Variants in NR6A1 observed in about 807,000 individuals in gnomAD.
The protein encoded by NR6A1 is retinoic acid receptor-related testis-associated receptor.
Under a neutral mutation model 59.1 loss-of-function variants are expected in NR6A1, and 7 were observed. That is an observed-to-expected ratio of 0.12 (90% CI 0.07 to 0.22). The LOEUF is 0.22. NR6A1 is among the 10% of genes least tolerant of loss of function. The probability of loss-of-function intolerance (pLI) is 1.00; values close to 1 mark genes in which losing one functional copy is unlikely to be tolerated. For synonymous variants in NR6A1, 243 were observed against 236.1 expected, an observed-to-expected ratio of 1.03 and a Z score of -0.27; for missense variants, 468 against 611.6, an observed-to-expected ratio of 0.77 and a Z score of 2.48.
intron 7 of NR6A1, among the ~76,000 whole-genome samples, chr9:124,534,057 C>G (rs2131340151): frequency 6.6e-6 from 1 of 150,472 alleles, no homozygotes; most frequent in Middle Eastern, 3.5e-3. Flanking sequence ...TAAATACAAA[C>G]TAAGCATTAT....
chr9:124,576,478 G>A lies in NR6A1; in HGVS notation c.143-21908C>T, dbSNP rs543943174. ...AATTTTTTGTATTTTTAGTAGAGAC[G>A]GGGTTTCACCATGTTAGCCAGGATG... On this transcript the variant is annotated intron_variant, in intron 2 of 9. Coordinates refer to ENST00000487099, the MANE Select transcript of NR6A1 (RefSeq NM_033334.4). Among the ~76,000 whole-genome samples, 181 of 152,126 alleles carry A rather than the reference G, an allele frequency of 1.2e-3. 3 individuals carry two copies. The highest frequency in any genetic ancestry group is 4.8e-3 in the South Asian group (23 of 4,816).
rs142173971 is a variant in NR6A1, at chr9:124,640,466, C to G, written c.143-85896G>C. 4.2e-3 allele frequency among the ~76,000 whole-genome samples: 634 copies of G among 152,174 alleles called. 6 individuals carry two copies. Among genetic ancestry groups the G allele is most frequent in the Non-Finnish European group, 7.3e-3 (499 of 68,000 alleles). ...CCAGGCTAGAATGCAGTGGAGTGATCGTAGCTCACTGTAACCATGAACTCA... is the reference window on the plus strand; with the variant it reads ...CCAGGCTAGAATGCAGTGGAGTGATGGTAGCTCACTGTAACCATGAACTCA... On this transcript the variant is annotated intron_variant, in intron 2 of 9. Transcript: ENST00000487099.
chr9:124,682,678 A>C (rs2130997518), intron 2 of NR6A1, among the ~76,000 whole-genome samples: 1 of 152,230 alleles, frequency 6.6e-6, no homozygotes, highest in South Asian at 2.1e-4. Flanking sequence ...TCTCTGTTTA[A>C]TTTCTAGAAA....
intron 2 of NR6A1, among the ~76,000 whole-genome samples, chr9:124,628,940 G>A (rs754622538): frequency 6.6e-6 from 1 of 152,136 alleles, no homozygotes; most frequent in Non-Finnish European, 1.5e-5. Flanking sequence ...GATTACAGGC[G>A]CGAGCCACCG....
chr9:124,535,495 T>C (rs1588645026), intron 7 of NR6A1, among the ~76,000 whole-genome samples: 1 of 151,384 alleles, frequency 6.6e-6, no homozygotes, highest in East Asian at 2.0e-4. Flanking sequence ...GGAGAATCAC[T>C]TGAACCCGGG....
intron 2 of NR6A1, among the ~76,000 whole-genome samples, chr9:124,620,294 G>A (rs890427048): frequency 2.2e-4 from 34 of 152,114 alleles, no homozygotes; most frequent in African/African-American, 7.9e-4. Flanking sequence ...TTATACTTCC[G>A]TAAATAAATA....
intron 2 of NR6A1, among the ~76,000 whole-genome samples, chr9:124,725,402 GA>G (rs528574208): frequency 0.015 from 2,089 of 140,326 alleles, 43 homozygotes; most frequent in African/African-American, 0.05. Flanking sequence ...TAAAAAAAAA[GA>G]AAAAAAAAAA....
chr9:124,659,049 C>CGGG (rs1312852421), intron 2 of NR6A1, among the ~76,000 whole-genome samples: 1 of 152,202 alleles, frequency 6.6e-6, no homozygotes, highest in Non-Finnish European at 1.5e-5. Flanking sequence ...GGAAGAAATT[C>CGGG]ACAAGAAATA....
At chr9:124,651,668 G>C (rs1488988454) in intron 2 of NR6A1, among the ~76,000 whole-genome samples, 1 of 152,128 alleles carries the variant, frequency 6.6e-6, no homozygotes, top group Non-Finnish European at 1.5e-5. Context: ...AAAATACGAA[G>C]TTCTACTATA....
At chr9:124,743,690 A>G (rs1198872740) in intron 1 of NR6A1, among the ~76,000 whole-genome samples, 1 of 152,222 alleles carries the variant, frequency 6.6e-6, no homozygotes, top group African/African-American at 2.4e-5. Context: ...AAACATTTTT[A>G]AAAAATAAAG....
intron 2 of NR6A1, among the ~76,000 whole-genome samples, chr9:124,653,046 C>CT (rs942546389): frequency 8.6e-5 from 13 of 151,986 alleles, no homozygotes; most frequent in Middle Eastern, 3.2e-3. Flanking sequence ...GTTATTTGTG[C>CT]TTTTTTTTCC....
intron 3 of NR6A1, among the ~76,000 whole-genome samples, chr9:124,549,191 A>G (rs898548801): frequency 6.6e-6 from 1 of 151,690 alleles, no homozygotes; most frequent in African/African-American, 2.4e-5. Context: ...GATGTTACAA[A>G]TAAACGCTGA....
chr9:124,761,673 A>G (rs1450312006), intron 1 of NR6A1, among the ~76,000 whole-genome samples: 1 of 152,198 alleles, frequency 6.6e-6, no homozygotes, highest in Non-Finnish European at 1.5e-5. Flanking sequence ...GAAGCCAAAC[A>G]TGTCTAAGGA....
chr9:124,584,122 G>A (rs1014866147), intron 2 of NR6A1, among the ~76,000 whole-genome samples: 3 of 144,806 alleles, frequency 2.1e-5, no homozygotes. Flanking sequence ...TTGAGACAGA[G>A]TCTCACTCTG....
chr9:124,736,353 G>A (rs1317390009), intron 1 of NR6A1, among the ~76,000 whole-genome samples: 1 of 152,154 alleles, frequency 6.6e-6, no homozygotes, highest in Non-Finnish European at 1.5e-5. Context: ...CAAAAACAAA[G>A]AAAATACTAA....
intron 2 of NR6A1, among the ~76,000 whole-genome samples, chr9:124,571,806 C>T (rs1834444092): frequency 6.6e-6 from 1 of 152,096 alleles, no homozygotes; most frequent in Non-Finnish European, 1.5e-5. Flanking sequence ...GCCATCCCTC[C>T]TGAATCCCAA....
At position 124,662,202 on chromosome 9, in the gene NR6A1, C is replaced by T. The variant is rs538424282; in HGVS notation, c.142+71106G>A. Among the ~76,000 whole-genome samples, 92 of 152,112 alleles carry T rather than the reference C, an allele frequency of 6.0e-4. 1 individual carries two copies. The South Asian group carries it at 0.018, about 30-fold the overall frequency. On this transcript the variant is annotated intron_variant, in intron 2 of 9. Coordinates refer to ENST00000487099, the MANE Select transcript of NR6A1 (RefSeq NM_033334.4). ...AAGACAGGTAGTCATGGCCAGAGTA[C>T]GTGAAATGCTCCAGAATGGTACTAA...
chr9:124,560,118 G>A (rs922149063), intron 2 of NR6A1, among the ~76,000 whole-genome samples: 3 of 152,100 alleles, frequency 2.0e-5, no homozygotes, highest in African/African-American at 4.8e-5. Context: ...CCAATTCTAC[G>A]ACTGCTGTAT....
chr9:124,751,222 C>G (rs1840490297), intron 1 of NR6A1, among the ~76,000 whole-genome samples: 1 of 152,294 alleles, frequency 6.6e-6, no homozygotes, highest in South Asian at 2.1e-4. Context: ...TAGTCACACC[C>G]AAGTACTAAT....
Sources: gnomAD v4.1 joint callset for allele counts (sites outside exome capture counted in the v4.1 genomes callset) on GRCh38, gnomAD v4.1.1 for gene constraint, MANE v1.5 for transcripts, NCBI Gene and HGNC (gene_info 2026-07-23, HGNC 2026-07-21) for gene names.